Variants in DENND2B observed in about 807,000 individuals in gnomAD.
DENND2B encodes the protein DENN domain-containing protein 2B.
In DENND2B, 32 loss-of-function variants were observed where a neutral mutation model predicts 116.0. The ratio of observed to expected loss-of-function variants is 0.28; its 90% confidence interval spans 0.21 to 0.37. The LOEUF is 0.37. Ranked by LOEUF, DENND2B falls within the 10% of genes least tolerant of loss-of-function variation. The pLI is 1.00. For synonymous variants in DENND2B, 588 were observed against 583.9 expected (o/e 1.01, Z -0.10); for missense variants, 1,276 against 1,477.7 (o/e 0.86, Z 2.24).
chr11:8,713,891 C>T (rs1010401705), intron 8 of DENND2B, 107 bp downstream of exon 8: 25 of 1,242,148 alleles, frequency 2.0e-5, no homozygotes, highest in Non-Finnish European at 2.7e-5. Context: ...CACCTCTCCA[C>T]ATCAGGCCGG....
chr11:8,759,616 T>C (rs1258128064), intron 1 of DENND2B, among the ~76,000 whole-genome samples: 1 of 152,202 alleles, frequency 6.6e-6, no homozygotes, highest in Non-Finnish European at 1.5e-5. Context: ...AGAGCTCTTG[T>C]GTGTGTTCTG....
At chr11:8,764,065 A>G (rs1460486526) in intron 1 of DENND2B, among the ~76,000 whole-genome samples, 2 of 152,164 alleles carry the variant, frequency 1.3e-5, no homozygotes, top group African/African-American at 4.8e-5. Flanking sequence ...CTCTACTAAA[A>G]ATACAAAAAT....
intron 1 of DENND2B, among the ~76,000 whole-genome samples, chr11:8,905,211 C>G (rs2064220978): frequency 6.6e-6 from 1 of 152,028 alleles, no homozygotes; most frequent in Non-Finnish European, 1.5e-5. Flanking sequence ...ATCAATAGAA[C>G]ATAATTTAAA....
intron 2 of DENND2B, among the ~76,000 whole-genome samples, chr11:8,740,508 T>C (rs1374579432): frequency 1.3e-5 from 2 of 152,160 alleles, no homozygotes; most frequent in African/African-American, 4.8e-5. Context: ...CTCTGCTTTT[T>C]CTGGTTATAG....
upstream of DENND2B, among the ~76,000 whole-genome samples, chr11:8,811,863 A>T (rs1452988700): frequency 6.6e-6 from 1 of 152,026 alleles, no homozygotes; most frequent in African/African-American, 2.4e-5. Context: ...CCTCTGAAGT[A>T]GCTGGGACTA....
upstream of DENND2B, among the ~76,000 whole-genome samples, chr11:8,812,109 A>G (rs1047984944): frequency 6.6e-6 from 1 of 152,242 alleles, no homozygotes; most frequent in Non-Finnish European, 1.5e-5. Flanking sequence ...TTATACAGTT[A>G]GGCAGTCAAA....
chr11:8,824,608 T>C (rs1451406315), intron 4 of DENND2B, among the ~76,000 whole-genome samples: 1 of 152,218 alleles, frequency 6.6e-6, no homozygotes, highest in Admixed American at 6.5e-5. Context: ...GCGATGGGCA[T>C]TTAGGTTGAT....
At chr11:8,738,614 T>C (rs1289370340) in intron 2 of DENND2B, among the ~76,000 whole-genome samples, 11 of 152,194 alleles carry the variant, frequency 7.2e-5, no homozygotes, top group Admixed American at 7.2e-4. Context: ...TCCCTGCTGC[T>C]ACTGCTACTT....
chr11:8,842,141 T>C (rs543980756), intron 3 of DENND2B, among the ~76,000 whole-genome samples: 3 of 152,326 alleles, frequency 2.0e-5, no homozygotes, highest in Admixed American at 6.5e-5. Context: ...GAACGGCACA[T>C]AGTAGGTCCC....
chr11:8,889,361 G>A (rs963573106), intron 1 of DENND2B, among the ~76,000 whole-genome samples: 6 of 152,200 alleles, frequency 3.9e-5, no homozygotes, highest in African/African-American at 9.7e-5. Context: ...CTGAGGTACC[G>A]GGTTCATCTC....
At chr11:8,867,753 T>C (rs980132619) in intron 2 of DENND2B, among the ~76,000 whole-genome samples, 2 of 151,960 alleles carry the variant, frequency 1.3e-5, no homozygotes, top group Non-Finnish European at 2.9e-5. Context: ...TGATTAATTT[T>C]TGTATTTTTT....
intron 1 of DENND2B, among the ~76,000 whole-genome samples, chr11:8,759,586 G>A (rs1173025605): frequency 6.6e-6 from 1 of 152,222 alleles, no homozygotes; most frequent in Non-Finnish European, 1.5e-5. Context: ...TAAAGGGACA[G>A]AGAAGGTGGG....
upstream of DENND2B, among the ~76,000 whole-genome samples, chr11:8,812,998 GGTCTTGAACTCCTGAGCTCAA>G (rs138398892): frequency 0.047 from 7,082 of 152,168 alleles, 250 homozygotes; most frequent in South Asian, 0.15. Context: ...TGCCCAGGCT[GGTCTTGAACTCCTGAGCTCAA>G]GCAATCCTCC....
intron 2 of DENND2B, among the ~76,000 whole-genome samples, chr11:8,859,974 G>A (rs1310705626): frequency 1.3e-5 from 2 of 151,970 alleles, no homozygotes; most frequent in Non-Finnish European, 2.9e-5. Flanking sequence ...ATTCCCCATG[G>A]CCCTTAAAAA....
intron 1 of DENND2B, among the ~76,000 whole-genome samples, chr11:8,905,931 T>C (rs2064230368): frequency 6.6e-6 from 1 of 151,536 alleles, no homozygotes; most frequent in South Asian, 2.1e-4. Context: ...AAAGGTCACA[T>C]ATTATCAGAT....
At chr11:8,857,169 C>T (rs1269122303) in intron 3 of DENND2B, among the ~76,000 whole-genome samples, 2 of 152,174 alleles carry the variant, frequency 1.3e-5, no homozygotes, top group Non-Finnish European at 2.9e-5. Context: ...TAGCCGCATA[C>T]AGAATTAAGG....
At chr11:8,798,175 A>G (rs1459564773) in intron 1 of DENND2B, among the ~76,000 whole-genome samples, 2 of 152,110 alleles carry the variant, frequency 1.3e-5, no homozygotes, top group Non-Finnish European at 2.9e-5. Context: ...CACTCACTAC[A>G]CGTCAAGCTC....
intron 6 of DENND2B, 99 bp downstream of exon 6, chr11:8,715,504 C>A (rs760770087): frequency 1.6e-6 from 2 of 1,259,572 alleles, no homozygotes; most frequent in Non-Finnish European, 1.1e-6. Context: ...AGGAAGCAGT[C>A]CAGATTAGGG....
chr11:8,712,053 C>G lies in DENND2B; in HGVS notation c.2172+498G>C, dbSNP rs898694199. On this transcript the variant is annotated intron_variant, in intron 9 of 19. Coordinates refer to ENST00000313726, the MANE Select transcript of DENND2B (RefSeq NM_213618.2). This position sits in a 1 kb window ranked among gnomAD's most constrained non-coding sequence, Gnocchi z 4.4. Reference sequence around the variant, plus strand: ...AGCACATTCCTGGCAGAGGCAATGGCAGAGAGAGAGGGGTTGAGTGTGAGA... The same window carrying G: ...AGCACATTCCTGGCAGAGGCAATGGGAGAGAGAGAGGGGTTGAGTGTGAGA... 1.4e-4 allele frequency: 65 copies of G among 452,490 alleles called. No homozygotes were observed. The highest frequency in any genetic ancestry group is 1.2e-3 in the African/African-American group (60 of 49,862). The allele number at this position is 452,490 out of a possible 1,614,324, so 28.0% of individuals were successfully genotyped here.
Sources: gnomAD v4.1 joint callset for allele counts (sites outside exome capture counted in the v4.1 genomes callset) on GRCh38, gnomAD v4.1.1 for gene constraint, Gnocchi (gnomAD v3.1) non-coding constraint, MANE v1.5 for transcripts, NCBI Gene and HGNC (gene_info 2026-07-23, HGNC 2026-07-21) for gene names.